Variants in TMC5 observed in about 807,000 individuals in gnomAD.
The protein encoded by TMC5 is transmembrane channel like 5, also known as transmembrane channel-like protein 5.
In TMC5, 86 loss-of-function variants were observed where a neutral mutation model predicts 110.5. That is an observed-to-expected ratio of 0.78 (90% confidence interval 0.65 to 0.93). The LOEUF (loss-of-function observed/expected upper bound fraction) is 0.93, where lower values mean the gene tolerates loss of function less well. Ranked by LOEUF, TMC5 falls within the 40% of genes least tolerant of loss-of-function variation. The pLI, the probability that TMC5 is intolerant of heterozygous loss-of-function variation, is 0.00. For synonymous variants in TMC5, 455 were observed against 439.5 expected, an observed-to-expected ratio of 1.04 and a Z score of -0.44; for missense variants, 1,144 against 1,222.8, an observed-to-expected ratio of 0.94 and a Z score of 0.96.
chr16:19,455,043 G>A (rs1255550115), intron 5 of TMC5, among the ~76,000 whole-genome samples: 1 of 152,124 alleles, frequency 6.6e-6, no homozygotes, highest in African/African-American at 2.4e-5. Context: ...GCTGAAGCAG[G>A]AGGATTACTT....
At chr16:19,435,481 G>A (rs546978356) in intron 2 of TMC5, among the ~76,000 whole-genome samples, 39 of 151,968 alleles carry the variant, frequency 2.6e-4, no homozygotes, top group Non-Finnish European at 4.1e-4. Flanking sequence ...CAGCCTGGGC[G>A]CAGAGTGAGA....
At chr16:19,495,008 A>ATT (rs1226858039) in intron 20 of TMC5, among the ~76,000 whole-genome samples, 3 of 37,132 alleles carry the variant, frequency 8.1e-5, no homozygotes, top group Admixed American at 2.2e-4. Context: ...TTCAGTGTCT[A>ATT]TTCTTTTTTT....
At chr16:19,449,046 A>C (rs1967688886) in intron 4 of TMC5, among the ~76,000 whole-genome samples, 1 of 151,448 alleles carries the variant, frequency 6.6e-6, no homozygotes, top group Non-Finnish European at 1.5e-5. Flanking sequence ...TTTTTTTAGT[A>C]GGGACGGGGT....
In TMC5 at chr16:19,463,371, A is replaced by C; in HGVS notation, c.1236+4A>C. The C allele has an allele frequency of 6.2e-7, 1 of 1,608,210 alleles. No homozygotes were observed. The highest frequency in any genetic ancestry group is 8.5e-7 in the Non-Finnish European group (1 of 1,174,602). ...GTGTCTGAACTCCATTTCCCGGGTA[A>C]GTCAGTAAAACAGGCACAGCAAGAG... On this transcript the variant is annotated splice_donor_region_variant and intron_variant, in intron 7 of 21. Coordinates refer to ENST00000542583, the MANE Select transcript of TMC5 (RefSeq NM_001261841.2).
upstream of TMC5, among the ~76,000 whole-genome samples, chr16:19,415,548 A>T (rs924740260): frequency 6.6e-6 from 1 of 152,198 alleles, no homozygotes; most frequent in Non-Finnish European, 1.5e-5. Flanking sequence ...CTGGCCCCAA[A>T]TGACAGTACT....
chr16:19,427,234 A>G (rs753971128), intron 1 of TMC5, among the ~76,000 whole-genome samples: 1 of 152,206 alleles, frequency 6.6e-6, no homozygotes, highest in Admixed American at 6.5e-5. Context: ...CCAGCGGATC[A>G]CTTGAGGCCA....
intron 6 of TMC5, among the ~76,000 whole-genome samples, 189 bp from the exon 7 acceptor site, chr16:19,463,091 A>AT (rs1413467193): frequency 6.6e-6 from 1 of 151,392 alleles, no homozygotes; most frequent in African/African-American, 2.4e-5. Flanking sequence ...TTTTTTGTTA[A>AT]TTTTTTTCTT....
At chr16:19,438,390 C>CAAAAAAAAA (rs60807937) in intron 2 of TMC5, among the ~76,000 whole-genome samples, 3 of 60,034 alleles carry the variant, frequency 5.0e-5, no homozygotes, top group African/African-American at 7.4e-5. Context: ...GACACCCTGT[C>CAAAAAAAAA]AAAAAAAAAA....
chr16:19,440,212 C>T lies in TMC5; in HGVS notation c.174C>T (p.Ala58=), dbSNP rs748106326. 15 of 1,614,024 alleles carry T rather than the reference C, an allele frequency of 9.3e-6. No individual in the cohort carries two copies. The South Asian group carries it at 1.4e-4, about 15-fold the overall frequency. ...PGTRSNPYSV[A]SRTRPDYPGS... is the part of the protein sequence containing the mutation. ...CCAGGAGCAATCCATACTCTGTAGC[C>T]TCCAGAACACGTCCAGACTATCCTG... The change falls in exon 3 of 22, where the codon GCC becomes GCT. Residue 58 remains alanine, a synonymous_variant. Transcript: ENST00000542583.
At chr16:19,450,096 AGTGTG>A (rs751629433) in intron 5 of TMC5, among the ~76,000 whole-genome samples, 1 of 152,202 alleles carries the variant, frequency 6.6e-6, no homozygotes, top group Non-Finnish European at 1.5e-5. Flanking sequence ...TTTGACCTCC[AGTGTG>A]GTTACTGATG....
At chr16:19,468,484 C>A (rs1249235015) in intron 9 of TMC5, among the ~76,000 whole-genome samples, 1 of 152,260 alleles carries the variant, frequency 6.6e-6, no homozygotes, top group Non-Finnish European at 1.5e-5. Flanking sequence ...CGACCCCCCC[C>A]AGAGAAGTCT....
At chr16:19,463,239 C>T in intron 6 of TMC5, 41 bp from the exon 7 acceptor site, 1 of 1,467,760 alleles carries the variant, frequency 6.8e-7, no homozygotes, top group East Asian at 2.3e-5. Flanking sequence ...GAATGAGTTG[C>T]AACATTTGTA....
At chr16:19,444,795 T>C (rs1157524633) in intron 4 of TMC5, among the ~76,000 whole-genome samples, 1 of 152,184 alleles carries the variant, frequency 6.6e-6, no homozygotes, top group Non-Finnish European at 1.5e-5. Context: ...TCTGCCCTCA[T>C]GTTATTTAAA....
chr16:19,488,218 C>T (rs1186425086), intron 17 of TMC5, among the ~76,000 whole-genome samples: 1 of 152,096 alleles, frequency 6.6e-6, no homozygotes, highest in Non-Finnish European at 1.5e-5. Flanking sequence ...CCCCAGATGT[C>T]AAAACATCAG....
intron 9 of TMC5, among the ~76,000 whole-genome samples, chr16:19,467,295 T>C (rs964317798): frequency 2.6e-5 from 4 of 152,240 alleles, no homozygotes; most frequent in African/African-American, 4.8e-5. Context: ...GATCAAGGTG[T>C]CAGCAGGCTT....
chr16:19,467,041 G>A (rs1180158094), intron 9 of TMC5, among the ~76,000 whole-genome samples: 4 of 152,052 alleles, frequency 2.6e-5, no homozygotes, highest in Admixed American at 2.0e-4. Context: ...AGCTATTCGG[G>A]AGGCTGAGGT....
In TMC5 at chr16:19,472,145, A is replaced by C. The variant is rs1597203542; in HGVS notation, c.1840A>C (p.Thr614Pro). 1 of 1,614,032 alleles carries C rather than the reference A, an allele frequency of 6.2e-7. No individual in the cohort carries two copies. The highest frequency in any genetic ancestry group is 8.5e-7 in the Non-Finnish European group (1 of 1,180,012). Reference sequence around the variant, plus strand: ...CAAGTTGACGTTCAATCAGCTGCTGACCCGCTTCTCTGCCTACATGGTAGC... The same window carrying C: ...CAAGTTGACGTTCAATCAGCTGCTGCCCCGCTTCTCTGCCTACATGGTAGC... ...NSKLTFNQLL[T>P]RFSAYMVAWV... Residue 614 changes from threonine to proline, a missense_variant, in exon 11 of 22, where the codon ACC (threonine) becomes CCC (proline). Thr to Pro is a conservative substitution (Grantham distance 38). Transcript: ENST00000542583.
chr16:19,456,868 C>T (rs1967888454), intron 5 of TMC5: 1 of 1,614,086 alleles, frequency 6.2e-7, no homozygotes, highest in Non-Finnish European at 8.5e-7. Context: ...ATGTGATAGA[C>T]TCTCAGACAG....
chr16:19,459,649 G>A (rs1443958402), intron 5 of TMC5, among the ~76,000 whole-genome samples: 1 of 152,082 alleles, frequency 6.6e-6, no homozygotes, highest in Admixed American at 6.6e-5. Context: ...GGTTGTCGTG[G>A]TGTGTGCCTG....
Sources: gnomAD v4.1 joint callset for allele counts (sites outside exome capture counted in the v4.1 genomes callset) on GRCh38, gnomAD v4.1.1 for gene constraint, MANE v1.5 for transcripts, NCBI Gene and HGNC (gene_info 2026-07-23, HGNC 2026-07-21) for gene names.